ARHGAP20: variants seen among roughly 807,000 people sequenced by gnomAD.
ARHGAP20 encodes the protein rho GTPase-activating protein 20.
Under a neutral mutation model 73.7 loss-of-function variants are expected in ARHGAP20, and 34 were observed. That is an observed-to-expected ratio of 0.46 (90% CI 0.35 to 0.61). The LOEUF (loss-of-function observed/expected upper bound fraction) is 0.61. Among genes scored for constraint, ARHGAP20 ranks in the 20% least tolerant of loss-of-function variants. The pLI is 0.00. For synonymous variants in ARHGAP20, 523 were observed against 518.2 expected, an observed-to-expected ratio of 1.01 and a Z score of -0.13; for missense variants, 1,314 against 1,420.9, an observed-to-expected ratio of 0.92 and a Z score of 1.21.
chr11:110,609,213 T>C (rs866197690), intron 7 of ARHGAP20, among the ~76,000 whole-genome samples, 163 bp from the exon 8 acceptor site: 1 of 152,032 alleles, frequency 6.6e-6, no homozygotes, highest in African/African-American at 2.4e-5. Context: ...ACTATATAGG[T>C]AGCCTACAGA....
intron 1 of ARHGAP20, among the ~76,000 whole-genome samples, chr11:110,691,425 C>A (rs879269456): frequency 2.6e-5 from 4 of 152,122 alleles, no homozygotes; most frequent in Admixed American, 1.3e-4. Flanking sequence ...GTTCTTCTCA[C>A]CCTATATCTC....
chr11:110,594,395 C>T (rs181175239), intron 9 of ARHGAP20, among the ~76,000 whole-genome samples: 102 of 152,230 alleles, frequency 6.7e-4, no homozygotes, highest in African/African-American at 2.3e-3. Flanking sequence ...CCCTCAAAGG[C>T]TTATTGAAAG....
At chr11:110,618,323 T>A (rs1459393570) in intron 4 of ARHGAP20, among the ~76,000 whole-genome samples, 1 of 152,224 alleles carries the variant, frequency 6.6e-6, no homozygotes, top group African/African-American at 2.4e-5. Flanking sequence ...AAATGGGGGT[T>A]TAAGATGAGT....
At chr11:110,622,100 C>T (rs1948641780) in intron 4 of ARHGAP20, among the ~76,000 whole-genome samples, 1 of 152,194 alleles carries the variant, frequency 6.6e-6, no homozygotes, top group Non-Finnish European at 1.5e-5. Context: ...GATTCTCCCC[C>T]TCATCCCACA....
intron 1 of ARHGAP20, among the ~76,000 whole-genome samples, chr11:110,693,788 T>C (rs1480408035): frequency 2.6e-5 from 4 of 151,880 alleles, no homozygotes; most frequent in Non-Finnish European, 5.9e-5. Flanking sequence ...TGTATAATAG[T>C]ACAAACTTAT....
intron 2 of ARHGAP20, among the ~76,000 whole-genome samples, chr11:110,639,637 T>A (rs184709128): frequency 3.9e-5 from 6 of 152,152 alleles, no homozygotes; most frequent in Admixed American, 2.0e-4. Context: ...ACTACTACCA[T>A]CTTTCTGTCT....
At chr11:110,697,149 T>C (rs1950351701) in intron 1 of ARHGAP20, among the ~76,000 whole-genome samples, 2 of 151,760 alleles carry the variant, frequency 1.3e-5, no homozygotes, top group African/African-American at 4.8e-5. Context: ...TATTTTTAGT[T>C]GTTTGATAAA....
chr11:110,628,031 A>G (rs541059728), intron 3 of ARHGAP20, among the ~76,000 whole-genome samples: 1 of 152,326 alleles, frequency 6.6e-6, no homozygotes, highest in South Asian at 2.1e-4. Context: ...CAAATATAAT[A>G]ATTTAGTCAA....
chr11:110,610,390 A>C (rs368327966), intron 7 of ARHGAP20, among the ~76,000 whole-genome samples: 6 of 152,120 alleles, frequency 3.9e-5, no homozygotes, highest in East Asian at 3.8e-4. Context: ...AACGTGACAC[A>C]TATTTAAGAC....
intron 2 of ARHGAP20, among the ~76,000 whole-genome samples, chr11:110,676,263 T>C (rs1565472240): frequency 6.6e-6 from 1 of 152,188 alleles, no homozygotes; most frequent in Non-Finnish European, 1.5e-5. Context: ...TGAAGCTGAA[T>C]GACAGAAAAA....
intron 2 of ARHGAP20, among the ~76,000 whole-genome samples, chr11:110,660,960 C>T (rs1034333960): frequency 1.3e-5 from 2 of 152,114 alleles, no homozygotes; most frequent in African/African-American, 2.4e-5. Flanking sequence ...AATAAAATGC[C>T]CAGTGAAAAC....
Position 110,581,139 on chromosome 11 carries a change from A to G in ARHGAP20, c.1807T>C (p.Leu603=). 6.2e-7 allele frequency: 1 copy of G among 1,614,222 alleles called. No individual in the cohort carries two copies. Reference sequence around the variant, plus strand: ...CTCCCCTGGCCAAGTTTCTTTACCAAGTCACTGCATGGTGCATCAACATCC... The same window carrying G: ...CTCCCCTGGCCAAGTTTCTTTACCAGGTCACTGCATGGTGCATCAACATCC... ...NEDVDAPCSD[L]VKKLGQGSRS... The change falls in exon 15 of 15, where the codon TTG becomes CTG. Residue 603 remains leucine, a synonymous_variant. Transcript: ENST00000683387.
At chr11:110,703,909 A>C (rs1030069880) in intron 1 of ARHGAP20, among the ~76,000 whole-genome samples, 6 of 152,298 alleles carry the variant, frequency 3.9e-5, no homozygotes, top group African/African-American at 1.4e-4. Flanking sequence ...ATATTTGTAC[A>C]ACCATAACAC....
chr11:110,617,243 CTCTTT>C (rs1393955230), intron 4 of ARHGAP20, among the ~76,000 whole-genome samples: 1 of 151,068 alleles, frequency 6.6e-6, no homozygotes, highest in Non-Finnish European at 1.5e-5. Context: ...ATAATTCATT[CTCTTT>C]TATTTTCTTT....
chr11:110,673,158 G>A (rs919708982), intron 2 of ARHGAP20, among the ~76,000 whole-genome samples: 1 of 151,978 alleles, frequency 6.6e-6, no homozygotes, highest in East Asian at 1.9e-4. Context: ...TTTGATAAAA[G>A]GTATAACACA....
At position 110,578,982 on chromosome 11, in the gene ARHGAP20, C is replaced by A. The variant is rs1474809543; in HGVS notation, c.*388G>T. 2.0e-6 allele frequency: 2 copies of A among 991,006 alleles called. No homozygotes were observed. Among genetic ancestry groups the A allele is most frequent in the African/African-American group, 3.5e-5 (2 of 57,238 alleles). The allele number at this position is 991,006 out of a possible 1,614,324, so 61.4% of individuals were successfully genotyped here. A position where few individuals can be genotyped will look rare whatever the true frequency, so the allele number is the denominator to read the frequency against. On this transcript the variant is annotated 3_prime_UTR_variant, in exon 15 of 15. Transcript: ENST00000683387. ...TGGAATGTAGATGGTTTCTCTGTAC[C>A]CTTCCCCTCTCTCCTCAGGCCCCTA...
At chr11:110,649,275 A>C (rs895495396) in intron 2 of ARHGAP20, among the ~76,000 whole-genome samples, 2 of 141,688 alleles carry the variant, frequency 1.4e-5, no homozygotes, top group East Asian at 4.1e-4. Context: ...CCTGGCCTTA[A>C]GTGATCTTCC....
At chr11:110,684,528 A>G (rs914543310) in intron 2 of ARHGAP20, among the ~76,000 whole-genome samples, 4 of 152,160 alleles carry the variant, frequency 2.6e-5, no homozygotes, top group Non-Finnish European at 2.9e-5. Context: ...CAAAGAACTT[A>G]AAATAGAAAT....
At chr11:110,620,692 A>T (rs186232489) in intron 4 of ARHGAP20, among the ~76,000 whole-genome samples, 2 of 152,202 alleles carry the variant, frequency 1.3e-5, no homozygotes, top group Admixed American at 1.3e-4. Context: ...TTTTTAAAAA[A>T]ATCTTCATTC....
Sources: allele counts gnomAD v4.1 joint callset (sites outside exome capture counted in the v4.1 genomes callset), GRCh38; gene constraint gnomAD v4.1.1; transcripts MANE v1.5; gene names NCBI Gene and HGNC (gene_info 2026-07-23, HGNC 2026-07-21).